Variants in RBFOX1 observed in about 807,000 individuals in gnomAD.
RBFOX1 encodes RNA binding fox-1 homolog 1.
In RBFOX1, 8 loss-of-function variants were observed where a neutral mutation model predicts 57.7. That is an observed-to-expected ratio of 0.14 (90% CI 0.08 to 0.25). The LOEUF (loss-of-function observed/expected upper bound fraction) is 0.25. Ranked by LOEUF, RBFOX1 falls within the 10% of genes least tolerant of loss-of-function variation. The probability of loss-of-function intolerance (pLI) is 1.00; values close to 1 mark genes in which losing one functional copy is unlikely to be tolerated. For missense variants in RBFOX1, 611 were observed against 548.5 expected (o/e 1.11, Z -1.14); for synonymous variants, 326 against 222.4 (o/e 1.47, Z -4.15).
intron 4 of RBFOX1, among the ~76,000 whole-genome samples, chr16:7,216,136 C>A (rs1017613070): frequency 6.6e-6 from 1 of 152,218 alleles, no homozygotes; most frequent in Non-Finnish European, 1.5e-5. Flanking sequence ...TGCCAGACAA[C>A]ATACTGTTGT....
At chr16:7,413,575 C>T (rs908925594) in intron 4 of RBFOX1, among the ~76,000 whole-genome samples, 7 of 151,882 alleles carry the variant, frequency 4.6e-5, no homozygotes, top group African/African-American at 1.5e-4. Context: ...ATAGATTCCA[C>T]GCTTTGCTGC....
intron 3 of RBFOX1, among the ~76,000 whole-genome samples, chr16:6,758,040 A>G (rs2076073372): frequency 6.6e-6 from 1 of 152,200 alleles, no homozygotes; most frequent in South Asian, 2.1e-4. Flanking sequence ...TTAAGAAGTC[A>G]GTCCAAACTA....
At chr16:6,340,639 C>G (rs151306826) in intron 2 of RBFOX1, among the ~76,000 whole-genome samples, 11 of 152,286 alleles carry the variant, frequency 7.2e-5, no homozygotes, top group African/African-American at 2.6e-4. Flanking sequence ...TGAGGACAAC[C>G]AGAGGTCATT....
chr16:6,947,505 A>C (rs2079797344), intron 3 of RBFOX1, among the ~76,000 whole-genome samples: 1 of 152,144 alleles, frequency 6.6e-6, no homozygotes, highest in Non-Finnish European at 1.5e-5. Flanking sequence ...CCTGAAATAG[A>C]GCGAAAAAGA....
chr16:5,916,722 C>A (rs1462797049), intron 4 of RBFOX1, among the ~76,000 whole-genome samples: 1 of 152,112 alleles, frequency 6.6e-6, no homozygotes, highest in African/African-American at 2.4e-5. Context: ...GGGTCAGCAC[C>A]ACCCCCCACA....
intron 4 of RBFOX1, among the ~76,000 whole-genome samples, chr16:5,973,271 C>T (rs1444874032): frequency 6.6e-6 from 1 of 152,130 alleles, no homozygotes; most frequent in East Asian, 1.9e-4. Flanking sequence ...GTGATATATA[C>T]ATTGATTTAA....
At chr16:6,397,120 G>A (rs1448265961) in intron 2 of RBFOX1, among the ~76,000 whole-genome samples, 2 of 152,126 alleles carry the variant, frequency 1.3e-5, no homozygotes, top group South Asian at 2.1e-4. Context: ...GGAAGGAGAA[G>A]ATAATGCATA....
intron 1 of RBFOX1, among the ~76,000 whole-genome samples, chr16:6,137,645 A>G (rs1377087934): frequency 5.1e-5 from 6 of 116,968 alleles, no homozygotes; most frequent in African/African-American, 1.4e-4. Flanking sequence ...ACAGGGTCTG[A>G]CTCTGTTGCC....
intron 1 of RBFOX1, among the ~76,000 whole-genome samples, chr16:6,316,149 C>T (rs959240603): frequency 1.3e-5 from 2 of 152,098 alleles, no homozygotes; most frequent in African/African-American, 2.4e-5. Context: ...TTAAGTTTCT[C>T]CCCAGAGAGG....
intron 3 of RBFOX1, among the ~76,000 whole-genome samples, chr16:5,847,854 AC>A (rs2056796416): frequency 6.6e-6 from 1 of 151,978 alleles, no homozygotes; most frequent in Non-Finnish European, 1.5e-5. Flanking sequence ...CAGAATCAAC[AC>A]CCAGACTATG....
At chr16:5,723,843 G>C (rs571702976) in intron 3 of RBFOX1, among the ~76,000 whole-genome samples, 81 of 152,336 alleles carry the variant, frequency 5.3e-4, no homozygotes, top group Non-Finnish European at 1.0e-3. Flanking sequence ...CTGTAGACTG[G>C]ACCTTGCACC....
intron 4 of RBFOX1, among the ~76,000 whole-genome samples, chr16:7,156,655 T>A (rs2077214806): frequency 6.6e-6 from 1 of 152,156 alleles, no homozygotes; most frequent in African/African-American, 2.4e-5. Context: ...ATACACTACA[T>A]TTAATTTTTA....
chr16:6,438,173 A>G (rs932701494), intron 2 of RBFOX1, among the ~76,000 whole-genome samples: 1 of 152,232 alleles, frequency 6.6e-6, no homozygotes, highest in African/African-American at 2.4e-5. Flanking sequence ...AAATGTTTAA[A>G]AAGACCGTAC....
intron 3 of RBFOX1, among the ~76,000 whole-genome samples, chr16:5,731,306 C>A (rs2052365100): frequency 6.6e-6 from 1 of 152,206 alleles, no homozygotes; most frequent in South Asian, 2.1e-4. Context: ...CCACCACCAT[C>A]ATCATCACTA....
At chr16:6,439,052 G>T (rs1247577855) in intron 2 of RBFOX1, among the ~76,000 whole-genome samples, 2 of 152,128 alleles carry the variant, frequency 1.3e-5, no homozygotes, top group African/African-American at 4.8e-5. Context: ...ACTGACCCCA[G>T]TTGAAAATCA....
intron 4 of RBFOX1, among the ~76,000 whole-genome samples, chr16:7,264,284 A>G (rs912947086): frequency 2.6e-5 from 4 of 152,218 alleles, no homozygotes; most frequent in Non-Finnish European, 5.9e-5. Flanking sequence ...GGTAAACTCA[A>G]GGAAAGCTGA....
chr16:6,648,066 C>G (rs772468879), intron 2 of RBFOX1, among the ~76,000 whole-genome samples: 2 of 152,144 alleles, frequency 1.3e-5, no homozygotes, highest in African/African-American at 4.8e-5. Context: ...AGGTCTCAAA[C>G]TCCTGGCCTC....
chr16:7,516,737 C>G (rs546566098), intron 4 of RBFOX1, among the ~76,000 whole-genome samples: 1 of 152,302 alleles, frequency 6.6e-6, no homozygotes, highest in East Asian at 1.9e-4. Context: ...TTAAACTTAT[C>G]CTAAGCTTAG....
At chr16:6,062,264 G>A (rs890295003) in intron 1 of RBFOX1, among the ~76,000 whole-genome samples, 4 of 149,186 alleles carry the variant, frequency 2.7e-5, no homozygotes, top group Admixed American at 6.7e-5. Flanking sequence ...TTCCATCATT[G>A]GCCATTGGTG....
Sources: allele counts gnomAD v4.1 joint callset (sites outside exome capture counted in the v4.1 genomes callset), GRCh38; gene constraint gnomAD v4.1.1; transcripts MANE v1.5; gene names NCBI Gene and HGNC (gene_info 2026-07-23, HGNC 2026-07-21).